Variants in TTLL11 observed in about 807,000 individuals in gnomAD.
The protein encoded by TTLL11 is tubulin tyrosine ligase like 11, also known as tubulin polyglutamylase TTLL11.
In TTLL11, 42 loss-of-function variants were observed where a neutral mutation model predicts 51.7. The ratio of observed to expected loss-of-function variants is 0.81; its 90% CI spans 0.64 to 1.05. TTLL11 has a LOEUF of 1.05. TTLL11 is among the 50% of genes least tolerant of loss of function. The probability of loss-of-function intolerance (pLI) is 0.00; values close to 1 mark genes in which losing one functional copy is unlikely to be tolerated. For missense variants in TTLL11, 799 were observed against 940.4 expected (o/e 0.85, Z 1.97); for synonymous variants, 381 against 383.5 (o/e 0.99, Z 0.08).
chr9:121,968,900 C>T (rs541419022), intron 6 of TTLL11, among the ~76,000 whole-genome samples: 3 of 151,584 alleles, frequency 2.0e-5, no homozygotes, highest in Non-Finnish European at 4.4e-5. Flanking sequence ...GACACAGTCT[C>T]ACTCTGTCAC....
chr9:121,836,230 G>A (rs941069912), intron 8 of TTLL11, among the ~76,000 whole-genome samples: 1 of 152,148 alleles, frequency 6.6e-6, no homozygotes, highest in African/African-American at 2.4e-5. Context: ...GTTGGGTGTG[G>A]GCAGACCTAG....
chr9:121,967,175 A>G (rs538063466), intron 6 of TTLL11, among the ~76,000 whole-genome samples: 133 of 148,128 alleles, frequency 9.0e-4, no homozygotes, highest in Non-Finnish European at 1.7e-3. Flanking sequence ...GCCAGGACAC[A>G]GGCCGCTCCT....
At chr9:122,001,571 G>T (rs372713818) in intron 3 of TTLL11, among the ~76,000 whole-genome samples, 1 of 152,120 alleles carries the variant, frequency 6.6e-6, no homozygotes, top group Non-Finnish European at 1.5e-5. Flanking sequence ...GGTCAAGGTC[G>T]CCAAGATGGA....
chr9:121,868,398 C>A (rs138547207), intron 7 of TTLL11, among the ~76,000 whole-genome samples: 1 of 152,280 alleles, frequency 6.6e-6, no homozygotes, highest in Admixed American at 6.5e-5. Context: ...CAGCTTCCTA[C>A]GCAGATGGTG....
Position 121,840,025 on chromosome 9 carries a change from T to C in TTLL11, c.1841-17146A>G, listed in dbSNP as rs117385881. On this transcript the variant is annotated intron_variant, in intron 8 of 8. Transcript: ENST00000321582. Reference sequence around the variant, plus strand: ...GAGAGAGAAGAGAAATGCTCTTTTATGCGGGAGTTTATTTTTGTCACTTTG... The same window carrying C: ...GAGAGAGAAGAGAAATGCTCTTTTACGCGGGAGTTTATTTTTGTCACTTTG... Among the ~76,000 whole-genome samples the C allele has an allele frequency of 4.2e-3, 639 of 152,316 alleles. 13 individuals carry two copies. The East Asian group carries it at 0.06, about 14-fold the overall frequency.
intron 6 of TTLL11, among the ~76,000 whole-genome samples, chr9:121,944,690 A>T (rs530100037): frequency 6.6e-6 from 1 of 152,274 alleles, no homozygotes; most frequent in Admixed American, 6.5e-5. Context: ...GGAAATCAAT[A>T]AGCAAGTGAC....
At chr9:122,028,971 A>G (rs1368437955) in intron 3 of TTLL11, among the ~76,000 whole-genome samples, 1 of 152,232 alleles carries the variant, frequency 6.6e-6, no homozygotes, top group East Asian at 1.9e-4. Flanking sequence ...TTTCAACTGA[A>G]TTATAATGAA....
chr9:122,086,406 A>G (rs1319912181), intron 1 of TTLL11, among the ~76,000 whole-genome samples: 1 of 152,216 alleles, frequency 6.6e-6, no homozygotes, highest in Non-Finnish European at 1.5e-5. Context: ...CATTTGATGG[A>G]GTAGGGCATA....
intron 3 of TTLL11, among the ~76,000 whole-genome samples, chr9:121,990,006 G>A (rs1843064800): frequency 6.6e-6 from 1 of 152,218 alleles, no homozygotes; most frequent in Admixed American, 6.5e-5. Flanking sequence ...TGGACTGGCA[G>A]TCACAAGACC....
intron 1 of TTLL11, among the ~76,000 whole-genome samples, chr9:122,091,411 T>C (rs1005510900): frequency 1.3e-5 from 2 of 152,202 alleles, no homozygotes; most frequent in African/African-American, 4.8e-5. Flanking sequence ...AGCATGAAAG[T>C]TCCCCTCTGA....
chr9:122,044,856 T>G (rs1255523561), intron 1 of TTLL11, among the ~76,000 whole-genome samples: 2 of 152,118 alleles, frequency 1.3e-5, no homozygotes, highest in Non-Finnish European at 2.9e-5. Context: ...ACACCTGTAA[T>G]CACAGCACTT....
chr9:121,924,529 G>C (rs1588128366), intron 6 of TTLL11, among the ~76,000 whole-genome samples: 1 of 152,192 alleles, frequency 6.6e-6, no homozygotes, highest in Non-Finnish European at 1.5e-5. Context: ...TTCAGAGGAA[G>C]ATGAAAAAGA....
intron 1 of TTLL11, among the ~76,000 whole-genome samples, chr9:122,087,438 T>G (rs139772638): frequency 3.0e-4 from 46 of 152,338 alleles, no homozygotes; most frequent in Middle Eastern, 3.4e-3. Context: ...GACAATATAG[T>G]AAGTGTATAC....
intron 6 of TTLL11, among the ~76,000 whole-genome samples, chr9:121,933,111 G>T (rs1445974950): frequency 6.6e-6 from 1 of 152,200 alleles, no homozygotes; most frequent in Non-Finnish European, 1.5e-5. Flanking sequence ...GCGGACAGTA[G>T]AGGAGGTGAA....
intron 8 of TTLL11, among the ~76,000 whole-genome samples, chr9:121,826,499 GTGTA>G (rs1191593959): frequency 2.3e-5 from 1 of 43,834 alleles, no homozygotes; most frequent in Non-Finnish European, 4.4e-5. Flanking sequence ...ATATATGTGT[GTGTA>G]TATATATATA....
intron 3 of TTLL11, among the ~76,000 whole-genome samples, chr9:122,021,191 C>A (rs1270847216): frequency 6.6e-6 from 1 of 152,042 alleles, no homozygotes; most frequent in Non-Finnish European, 1.5e-5. Context: ...ACGATGTGAA[C>A]CCTAGGATTG....
chr9:121,878,530 T>G (rs1038770206), intron 6 of TTLL11, among the ~76,000 whole-genome samples: 3 of 152,060 alleles, frequency 2.0e-5, no homozygotes, highest in Non-Finnish European at 1.5e-5. Flanking sequence ...AGGCCTGGGG[T>G]TGCTGCAGGC....
intron 3 of TTLL11, among the ~76,000 whole-genome samples, chr9:122,007,991 C>T (rs1309630529): frequency 6.6e-6 from 1 of 152,138 alleles, no homozygotes; most frequent in Non-Finnish European, 1.5e-5. Flanking sequence ...AGATATGATA[C>T]CCACGAGAAA....
chr9:121,917,508 G>GGAGA (rs1173640099), intron 6 of TTLL11, among the ~76,000 whole-genome samples: 2 of 60,796 alleles, frequency 3.3e-5, no homozygotes, highest in Non-Finnish European at 7.1e-5. Flanking sequence ...AAGAAAAGAA[G>GGAGA]GAGAGAGAGA....
Sources: gnomAD v4.1 joint callset for allele counts (sites outside exome capture counted in the v4.1 genomes callset) on GRCh38, gnomAD v4.1.1 for gene constraint, MANE v1.5 for transcripts, NCBI Gene and HGNC (gene_info 2026-07-23, HGNC 2026-07-21) for gene names.